Variants in RBPJ observed in about 807,000 individuals in gnomAD.
The protein encoded by RBPJ is recombination signal binding protein for immunoglobulin kappa J region.
A neutral mutation model predicts 67.8 loss-of-function variants in RBPJ; 9 were observed. That is an observed-to-expected ratio of 0.13 (90% CI 0.08 to 0.23). The LOEUF (loss-of-function observed/expected upper bound fraction) is 0.23. RBPJ is among the 10% of genes least tolerant of loss of function. RBPJ has a pLI of 1.00. For missense variants in RBPJ, 305 were observed against 595.6 expected, an observed-to-expected ratio of 0.51 and a Z score of 5.08; for synonymous variants, 198 against 203.3, an observed-to-expected ratio of 0.97 and a Z score of 0.22.
intron 1 of RBPJ, among the ~76,000 whole-genome samples, chr4:26,363,794 T>C (rs1728328769): frequency 6.6e-6 from 1 of 152,234 alleles, no homozygotes; most frequent in Non-Finnish European, 1.5e-5. Flanking sequence ...TAACAATGTA[T>C]GTATGCAGTT....
At position 26,432,109 on chromosome 4, in the gene RBPJ, G is replaced by A. The variant is rs1034279548; in HGVS notation, c.*1102G>A. 7 of 152,144 alleles carry A rather than the reference G, an allele frequency of 4.6e-5. No homozygotes were observed. Among genetic ancestry groups the A allele is most frequent in the African/African-American group, 1.7e-4 (7 of 41,420 alleles). The allele number at this position is 152,144 out of a possible 1,614,324, so 9.4% of individuals were successfully genotyped here. On this transcript the variant is annotated 3_prime_UTR_variant, in exon 11 of 11. Transcript: ENST00000355476. ...TGTTCCCAGTGATTTCATTCAGCAGGGTATTTTCTGCCTTGTTGGCAAGTG... is the reference window on the plus strand; with the variant it reads ...TGTTCCCAGTGATTTCATTCAGCAGAGTATTTTCTGCCTTGTTGGCAAGTG...
At chr4:26,127,352 A>G in the RBPJ span, among the ~76,000 whole-genome samples, 1 of 152,222 alleles carries the variant, frequency 6.6e-6, no homozygotes, top group Non-Finnish European at 1.5e-5. Flanking sequence ...GATCTGACCT[A>G]GTCCACATCA....
intron 1 of RBPJ, among the ~76,000 whole-genome samples, chr4:26,231,867 TA>T (rs1413634118): frequency 6.6e-6 from 1 of 151,396 alleles, no homozygotes; most frequent in African/African-American, 2.4e-5. Context: ...TATTTTTTTT[TA>T]ATTTTAATTT....
At chr4:26,319,720 T>G (rs1463511509), upstream of RBPJ, 2 of 741,832 alleles carry the variant, frequency 2.7e-6, no homozygotes, top group Non-Finnish European at 4.9e-6. Flanking sequence ...ATTGGGTACA[T>G]GCGCAGTGCC....
chr4:26,147,265 A>T, the RBPJ span, among the ~76,000 whole-genome samples: 357 of 152,360 alleles, frequency 2.3e-3, 5 homozygotes, highest in African/African-American at 8.4e-3. Flanking sequence ...GAAGGCCCTG[A>T]AAAACAGGAC....
intron 1 of RBPJ, among the ~76,000 whole-genome samples, chr4:26,170,581 G>A (rs991189286): frequency 1.6e-4 from 24 of 150,802 alleles, no homozygotes; most frequent in Non-Finnish European, 3.2e-4. Context: ...ATCCAGAAAA[G>A]AATATCTCAG....
chr4:26,402,753 C>A (rs1732974099), intron 2 of RBPJ, among the ~76,000 whole-genome samples: 1 of 152,062 alleles, frequency 6.6e-6, no homozygotes, highest in Non-Finnish European at 1.5e-5. Flanking sequence ...TGGGAGAGTC[C>A]ATTTACTTCC....
the RBPJ span, among the ~76,000 whole-genome samples, chr4:26,131,253 A>G: frequency 2.5e-3 from 383 of 152,364 alleles, no homozygotes; most frequent in African/African-American, 8.1e-3. Context: ...CTAGGTTACA[A>G]GGTGGTTGCC....
chr4:26,154,938 C>T, the RBPJ span, among the ~76,000 whole-genome samples: 1 of 152,224 alleles, frequency 6.6e-6, no homozygotes, highest in African/African-American at 2.4e-5. Context: ...CACCAGGCTT[C>T]ACCTCCAATA....
chr4:26,434,273 T>C lies in RBPJ; in HGVS notation c.*3266T>C, dbSNP rs1560354576. ...ACTGGTTAGTTTTTTTGTTTTGTTT[T>C]GTTTTATTGTTTTTAATGAAACTGG... On this transcript the variant is annotated 3_prime_UTR_variant, in exon 11 of 11. Transcript: ENST00000355476. The C allele has an allele frequency of 6.6e-6, 1 of 152,212 alleles. No homozygotes were observed. Among genetic ancestry groups the C allele is most frequent in the African/African-American group, 2.4e-5 (1 of 41,448 alleles). The allele number at this position is 152,212 out of a possible 1,614,324, so 9.4% of individuals were successfully genotyped here.
intron 2 of RBPJ, among the ~76,000 whole-genome samples, chr4:26,393,125 G>A (rs1354370584): frequency 1.3e-5 from 2 of 152,112 alleles, no homozygotes; most frequent in African/African-American, 4.8e-5. Context: ...GGGATTACAG[G>A]TGTGAGCCAC....
chr4:26,318,116 A>AACACACACACACGCACACAC (rs1366489487), upstream of RBPJ, among the ~76,000 whole-genome samples: 1 of 151,004 alleles, frequency 6.6e-6, no homozygotes, highest in African/African-American at 2.4e-5. Context: ...GGCAAACACA[A>AACACACACACACGCACACAC]ACACACACAC....
intron 7 of RBPJ, among the ~76,000 whole-genome samples, chr4:26,426,933 T>C (rs1022544960): frequency 1.3e-4 from 20 of 152,130 alleles, no homozygotes; most frequent in Non-Finnish European, 1.5e-5. Flanking sequence ...GGTAAGGACT[T>C]CATATTATCT....
chr4:26,409,892 T>TA (rs1380196884), intron 3 of RBPJ: 7 of 331,988 alleles, frequency 2.1e-5, no homozygotes, highest in Admixed American at 4.2e-5. Context: ...TGAAGTCCTC[T>TA]AAAAAATGAA....
chr4:26,114,358 CT>C, the RBPJ span, among the ~76,000 whole-genome samples: 7 of 151,290 alleles, frequency 4.6e-5, no homozygotes, highest in Non-Finnish European at 1.5e-5. Context: ...ACTCAAGAGG[CT>C]GAGGCAGGAG....
intron 1 of RBPJ, among the ~76,000 whole-genome samples, chr4:26,269,538 G>T (rs1009828110): frequency 4.6e-5 from 7 of 152,100 alleles, no homozygotes; most frequent in African/African-American, 1.7e-4. Flanking sequence ...TTAAAGGTGT[G>T]AGCCACCTCG....
At chr4:26,425,063 T>A (rs1435771043) in intron 7 of RBPJ, 1 of 358,394 alleles carries the variant, frequency 2.8e-6, no homozygotes, top group Non-Finnish European at 4.9e-6. Flanking sequence ...ATTACATTTC[T>A]TTTCTTTACT....
intron 1 of RBPJ, among the ~76,000 whole-genome samples, chr4:26,170,927 A>G (rs552660385): frequency 2.2e-4 from 34 of 152,314 alleles, no homozygotes; most frequent in African/African-American, 7.9e-4. Flanking sequence ...AATTGCTTCA[A>G]GGATTAAAGG....
rs192380189 is a variant in RBPJ at position 26,255,609 on chromosome 4, T to C, written c.-167+91995T>C. Among the ~76,000 whole-genome samples, 198 of 149,154 alleles carry C rather than the reference T, an allele frequency of 1.3e-3. 3 individuals are homozygous for C. The highest frequency in any genetic ancestry group is 4.2e-3 in the African/African-American group (170 of 40,522). ...CGAGGTCGGGAGATCGAGACCATCC[T>C]GGCTAACACGGTGAAACCCCGTCTC... On this transcript the variant is annotated intron_variant, in intron 1 of 4. Coordinates refer to the RBPJ transcript ENST00000512351.
Sources: gnomAD v4.1 joint callset for allele counts (sites outside exome capture counted in the v4.1 genomes callset) on GRCh38, gnomAD v4.1.1 for gene constraint, MANE v1.5 for transcripts, NCBI Gene and HGNC (gene_info 2026-07-23, HGNC 2026-07-21) for gene names.